Variants in TACR3 observed in about 807,000 individuals in gnomAD.
TACR3 encodes tachykinin receptor 3.
In TACR3, 34 loss-of-function variants were observed where a neutral mutation model predicts 35.0. That is an observed-to-expected ratio of 0.97 (90% CI 0.74 to 1.30). TACR3 has a LOEUF of 1.30. TACR3 is among the 50% of genes most tolerant of loss of function. The pLI, the probability that TACR3 is intolerant of heterozygous loss-of-function variation, is 0.00. For missense variants in TACR3, 558 were observed against 591.7 expected, an observed-to-expected ratio of 0.94 and a Z score of 0.59; for synonymous variants, 233 against 221.1, an observed-to-expected ratio of 1.05 and a Z score of -0.48.
Position 103,622,627 on chromosome 4 carries a change from G to A in TACR3, c.889-30944C>T, listed in dbSNP as rs892658891. Among the ~76,000 whole-genome samples the A allele has an allele frequency of 3.3e-5, 5 of 152,296 alleles. No individual in the cohort carries two copies. In the South Asian group the frequency reaches 8.3e-4, roughly 25 times the overall value. ...GCCTGTAGTCCCAGCTGCTGGGGAG[G>A]CTGAGGCAGGAGAATGGCGTGAACC... is the stretch of plus-strand genomic sequence containing the variant. On this transcript the variant is annotated intron_variant, in intron 3 of 4. Coordinates refer to ENST00000304883, the MANE Select transcript of TACR3 (RefSeq NM_001059.3).
At chr4:103,596,552 C>CA (rs1724023198) in intron 3 of TACR3, among the ~76,000 whole-genome samples, 1 of 151,874 alleles carries the variant, frequency 6.6e-6, no homozygotes, top group Non-Finnish European at 1.5e-5. Flanking sequence ...CTAGGTGTGA[C>CA]AAAAAACAAA....
chr4:103,697,402 GTTTATTTATTTA>G (rs111290581), intron 1 of TACR3, among the ~76,000 whole-genome samples: 102 of 144,974 alleles, frequency 7.0e-4, no homozygotes, highest in African/African-American at 1.7e-3. Context: ...TTATTTATTT[GTTTATTTATTTA>G]TTTATTTATT....
chr4:103,663,438 G>A (rs1006887856), intron 1 of TACR3, among the ~76,000 whole-genome samples: 1 of 152,162 alleles, frequency 6.6e-6, no homozygotes, highest in Non-Finnish European at 1.5e-5. Flanking sequence ...AGGTTGCAGT[G>A]AGCAGAGATC....
At chr4:103,602,173 C>T (rs1033479150) in intron 3 of TACR3, among the ~76,000 whole-genome samples, 49 of 152,156 alleles carry the variant, frequency 3.2e-4, no homozygotes, top group Non-Finnish European at 4.6e-4. Context: ...TCCAGTTGAT[C>T]GCATCGGCTA....
chr4:103,602,289 A>G (rs548742796), intron 3 of TACR3, among the ~76,000 whole-genome samples: 6 of 152,028 alleles, frequency 3.9e-5, no homozygotes, highest in African/African-American at 1.4e-4. Context: ...CCATTTGTCT[A>G]ATTTTTTTTC....
At chr4:103,700,746 A>G (rs760678216) in intron 1 of TACR3, among the ~76,000 whole-genome samples, 6 of 152,236 alleles carry the variant, frequency 3.9e-5, no homozygotes, top group Admixed American at 6.5e-5. Context: ...CTGGTTCAAC[A>G]TACACAAATC....
chr4:103,634,679 C>T (rs371202526), intron 3 of TACR3, among the ~76,000 whole-genome samples: 21 of 152,040 alleles, frequency 1.4e-4, no homozygotes, highest in East Asian at 3.9e-4. Flanking sequence ...GCTGGATTTT[C>T]GCACAGAAAT....
intron 3 of TACR3, among the ~76,000 whole-genome samples, chr4:103,645,794 T>C (rs556462379): frequency 1.3e-5 from 2 of 151,948 alleles, no homozygotes; most frequent in Admixed American, 6.6e-5. Flanking sequence ...ACCACAATTT[T>C]AATTCCAAAA....
At position 103,711,173 on chromosome 4, in the gene TACR3, G is replaced by A. The variant is rs140183344; in HGVS notation, c.548+7955C>T. ...CAGCATCATCCTGACACCAAACCCTGGCAGAGACACAACAAAAAAAGAGAA... is the reference window on the plus strand; with the variant it reads ...CAGCATCATCCTGACACCAAACCCTAGCAGAGACACAACAAAAAAAGAGAA... On this transcript the variant is annotated intron_variant, in intron 1 of 4. Transcript: ENST00000304883. Among the ~76,000 whole-genome samples, 1,032 of 152,204 alleles carry A rather than the reference G, an allele frequency of 6.8e-3. 5 individuals are homozygous for A. Among genetic ancestry groups the A allele is most frequent in the Non-Finnish European group, 0.011 (759 of 68,016 alleles).
chr4:103,603,016 C>T lies in TACR3; in HGVS notation c.889-11333G>A, dbSNP rs1285704662. ...GAGCCTACAGAGGCAGGCAGGCCTC[C>T]TTGAGCTGTGGTGGGCTCTGCCCAG... On this transcript the variant is annotated intron_variant, in intron 3 of 4. Coordinates refer to ENST00000304883, the MANE Select transcript of TACR3 (RefSeq NM_001059.3). Among the ~76,000 whole-genome samples, 6 of 152,240 alleles carry T rather than the reference C, an allele frequency of 3.9e-5. No individual in the cohort carries two copies. The South Asian group carries it at 8.3e-4, about 21-fold the overall frequency.
In TACR3 at chr4:103,719,506, G is replaced by A; in HGVS notation, c.170C>T (p.Ala57Val). ...QAGNLSSSPS[A>V]LGLPVASPAP... ...GGGGGAAGCCACAGGCAGTCCCAGC[G>A]CGGAAGGGGAGGAGGAGAGGTTGCC... Residue 57 changes from alanine (A) to valine (V), a missense_variant, in exon 1 of 5, where the codon GCG (alanine) becomes GTG (valine). Physicochemically the swap from Ala to Val is moderately conservative, Grantham distance 64. Transcript: ENST00000304883. 2 of 1,610,852 alleles carry A rather than the reference G, an allele frequency of 1.2e-6. No individual in the cohort carries two copies. Among genetic ancestry groups the A allele is most frequent in the Middle Eastern group, 1.7e-4 (1 of 6,048 alleles).
At chr4:103,682,877 T>G (rs1722131198) in intron 1 of TACR3, among the ~76,000 whole-genome samples, 1 of 152,116 alleles carries the variant, frequency 6.6e-6, no homozygotes, top group Non-Finnish European at 1.5e-5. Context: ...GTTAACTTGA[T>G]TTTTTAAAGC....
At chr4:103,658,483 G>T in intron 1 of TACR3, 80 bp from the exon 2 acceptor site, 1 of 1,375,704 alleles carries the variant, frequency 7.3e-7, no homozygotes, top group Non-Finnish European at 1.0e-6. Flanking sequence ...GTATTTCAAA[G>T]GCGTTTCAAT....
intron 3 of TACR3, among the ~76,000 whole-genome samples, chr4:103,599,467 C>T (rs1221848781): frequency 6.6e-6 from 1 of 152,122 alleles, no homozygotes; most frequent in Admixed American, 6.6e-5. Context: ...GTCTGATTGC[C>T]CTGGCCAGAA....
At chr4:103,629,852 A>AC (rs1211832454) in intron 3 of TACR3, among the ~76,000 whole-genome samples, 4 of 115,156 alleles carry the variant, frequency 3.5e-5, no homozygotes, top group South Asian at 2.7e-4. Context: ...AAGCAAAACA[A>AC]AAAAAAAACA....
At chr4:103,618,048 T>G (rs1724699388) in intron 3 of TACR3, among the ~76,000 whole-genome samples, 1 of 152,226 alleles carries the variant, frequency 6.6e-6, no homozygotes, top group South Asian at 2.1e-4. Context: ...ATTTTTTCAC[T>G]GGCTTTTAGT....
At chr4:103,707,184 C>T (rs1015818159) in intron 1 of TACR3, among the ~76,000 whole-genome samples, 3 of 152,176 alleles carry the variant, frequency 2.0e-5, no homozygotes, top group East Asian at 1.9e-4. Flanking sequence ...TTCCTTGAAA[C>T]TCAAGTATCA....
At chr4:103,621,214 G>T (rs1223600082) in intron 3 of TACR3, among the ~76,000 whole-genome samples, 3 of 152,190 alleles carry the variant, frequency 2.0e-5, no homozygotes, top group Admixed American at 6.5e-5. Context: ...GTGGGGGAAA[G>T]CAGGGACGAG....
At chr4:103,613,367 T>C (rs1724554564) in intron 3 of TACR3, among the ~76,000 whole-genome samples, 1 of 152,194 alleles carries the variant, frequency 6.6e-6, no homozygotes, top group Admixed American at 6.5e-5. Flanking sequence ...TTTTAAGCAT[T>C]ACTTAGGGAA....
Sources: allele counts gnomAD v4.1 joint callset (sites outside exome capture counted in the v4.1 genomes callset), GRCh38; gene constraint gnomAD v4.1.1; transcripts MANE v1.5; gene names NCBI Gene and HGNC (gene_info 2026-07-23, HGNC 2026-07-21).